The following OXR1 variants were observed in gnomAD, a reference collection of about 807,000 sequenced individuals.
OXR1 encodes the protein oxidation resistance 1.
In OXR1, 41 loss-of-function variants were observed where a neutral mutation model predicts 104.6. The observed-to-expected ratio is 0.39, with a 90% CI of 0.31 to 0.51. OXR1 has a LOEUF of 0.51. Among genes scored for constraint, OXR1 ranks in the 20% least tolerant of loss-of-function variants. OXR1 has a pLI of 0.77. For synonymous variants in OXR1, 348 were observed against 348.4 expected (o/e 1.00, Z 0.01); for missense variants, 955 against 1,031.9 (o/e 0.93, Z 1.02).
At chr8:106,438,878 C>G (rs753341927) in intron 2 of OXR1, among the ~76,000 whole-genome samples, 2 of 152,072 alleles carry the variant, frequency 1.3e-5, no homozygotes, top group South Asian at 2.1e-4. Context: ...TACTTAACCT[C>G]TAAGTACCTC....
chr8:106,330,821 G>A (rs1050583510), intron 1 of OXR1, among the ~76,000 whole-genome samples: 1 of 152,130 alleles, frequency 6.6e-6, no homozygotes, highest in African/African-American at 2.4e-5. Flanking sequence ...AGGGTGATTT[G>A]TCCGCAGTAA....
intron 3 of OXR1, among the ~76,000 whole-genome samples, chr8:106,568,268 G>A (rs923185442): frequency 5.3e-5 from 8 of 152,052 alleles, no homozygotes; most frequent in African/African-American, 1.7e-4. Context: ...TGGAGAACAC[G>A]TACCTCATGG....
At chr8:106,603,555 T>C (rs1820130857) in intron 3 of OXR1, among the ~76,000 whole-genome samples, 1 of 152,212 alleles carries the variant, frequency 6.6e-6, no homozygotes, top group Non-Finnish European at 1.5e-5. Context: ...TGAGAGTGTG[T>C]ATTATTTAAT....
At chr8:106,658,947 G>A (rs1359225551) in intron 3 of OXR1, among the ~76,000 whole-genome samples, 2 of 152,100 alleles carry the variant, frequency 1.3e-5, no homozygotes, top group African/African-American at 2.4e-5. Flanking sequence ...CCTTGGCTTC[G>A]TTTAACAGGT....
intron 2 of OXR1, among the ~76,000 whole-genome samples, chr8:106,516,848 T>G (rs77211632): frequency 0.042 from 6,349 of 151,960 alleles, 437 homozygotes; most frequent in African/African-American, 0.14. Flanking sequence ...TGTTCTGTGT[T>G]ATTATTGTTA....
intron 3 of OXR1, among the ~76,000 whole-genome samples, chr8:106,595,578 A>AAAGAT (rs1367603221): frequency 2.0e-5 from 3 of 151,940 alleles, no homozygotes; most frequent in Admixed American, 2.0e-4. Flanking sequence ...AAAGAAAAGA[A>AAAGAT]AAAGAAAACG....
At chr8:106,442,021 G>A (rs1819807057) in intron 2 of OXR1, among the ~76,000 whole-genome samples, 1 of 152,126 alleles carries the variant, frequency 6.6e-6, no homozygotes, top group Non-Finnish European at 1.5e-5. Flanking sequence ...TCCAGCTGTT[G>A]CCCATTCAAT....
chr8:106,409,972 G>A (rs1302150784), intron 2 of OXR1, among the ~76,000 whole-genome samples: 1 of 150,084 alleles, frequency 6.7e-6, no homozygotes, highest in Non-Finnish European at 1.5e-5. Context: ...TTTTGAAAAT[G>A]CTTACAGGAA....
At chr8:106,442,724 C>G (rs1333916790) in intron 2 of OXR1, among the ~76,000 whole-genome samples, 1 of 152,172 alleles carries the variant, frequency 6.6e-6, no homozygotes, top group Non-Finnish European at 1.5e-5. Context: ...ATAGTATTCT[C>G]TGATGGTAAT....
chr8:106,750,324 CTTTTTTTTT>C (rs35858491), intron 16 of OXR1, among the ~76,000 whole-genome samples: 2 of 138,202 alleles, frequency 1.4e-5, no homozygotes. Flanking sequence ...CTTTTCTTTT[CTTTTTTTTT>C]TTTTTTTTTG....
At chr8:106,341,337 T>G (rs1168305731) in intron 1 of OXR1, among the ~76,000 whole-genome samples, 1 of 151,686 alleles carries the variant, frequency 6.6e-6, no homozygotes, top group Non-Finnish European at 1.5e-5. Context: ...ATAGTACATC[T>G]TTTTAGAAAT....
At chr8:106,561,099 C>G (rs1218563233) in intron 3 of OXR1, among the ~76,000 whole-genome samples, 1 of 152,136 alleles carries the variant, frequency 6.6e-6, no homozygotes, top group Non-Finnish European at 1.5e-5. Context: ...GGGCAAACAC[C>G]AAGCTAGCTG....
intron 11 of OXR1, among the ~76,000 whole-genome samples, chr8:106,735,767 C>A (rs1834312550): frequency 6.6e-6 from 1 of 152,032 alleles, no homozygotes; most frequent in African/African-American, 2.4e-5. Flanking sequence ...CCTAATTTTT[C>A]TTTTATCTTT....
At chr8:106,299,153 G>T (rs1356078758) in intron 1 of OXR1, among the ~76,000 whole-genome samples, 1 of 151,908 alleles carries the variant, frequency 6.6e-6, no homozygotes, top group Non-Finnish European at 1.5e-5. Flanking sequence ...CAGATTAACT[G>T]CACCTCTCCT....
chr8:106,749,840 G>C (rs1587334821), intron 16 of OXR1, among the ~76,000 whole-genome samples: 1 of 151,700 alleles, frequency 6.6e-6, no homozygotes, highest in East Asian at 1.9e-4. Flanking sequence ...CTCATAACCT[G>C]GTGTTTTCCC....
chr8:106,711,756 A>G (rs544135430), intron 10 of OXR1, among the ~76,000 whole-genome samples: 7 of 152,164 alleles, frequency 4.6e-5, no homozygotes, highest in African/African-American at 1.7e-4. Flanking sequence ...AGGATGTGAA[A>G]AAGGCCAAGT....
chr8:106,722,913 G>A lies in OXR1; in HGVS notation c.1956+8928G>A, dbSNP rs1326699832. ...TTAGCATTTGGCACCCAGGTTTTAT[G>A]CCTAATATGGTCTGTTTTGACTACT... On this transcript the variant is annotated intron_variant, in intron 11 of 16. Coordinates refer to ENST00000517566, the MANE Select transcript of OXR1 (RefSeq NM_001198533.2). Among the ~76,000 whole-genome samples, 3 of 152,136 alleles carry A rather than the reference G, an allele frequency of 2.0e-5. No homozygotes were observed. In the East Asian group the frequency reaches 5.8e-4, roughly 29 times the overall value.
At chr8:106,541,992 G>A (rs567197406) in intron 3 of OXR1, among the ~76,000 whole-genome samples, 1 of 152,080 alleles carries the variant, frequency 6.6e-6, no homozygotes, top group Non-Finnish European at 1.5e-5. Context: ...ACAAAATTAA[G>A]GCTCAGACAT....
At chr8:106,373,682 G>A (rs556325027) in intron 2 of OXR1, among the ~76,000 whole-genome samples, 3 of 152,166 alleles carry the variant, frequency 2.0e-5, no homozygotes, top group Non-Finnish European at 4.4e-5. Flanking sequence ...CTCGACCTCC[G>A]AGGTTCAAGT....
Sources: gnomAD v4.1 joint callset for allele counts (sites outside exome capture counted in the v4.1 genomes callset) on GRCh38, gnomAD v4.1.1 for gene constraint, MANE v1.5 for transcripts, NCBI Gene and HGNC (gene_info 2026-07-23, HGNC 2026-07-21) for gene names.